ATAD2: variants seen among roughly 807,000 people sequenced by gnomAD.
The protein encoded by ATAD2 is ATPase family AAA domain containing 2, also known as ATPase family AAA domain-containing protein 2.
In ATAD2, 62 loss-of-function variants were observed where a neutral mutation model predicts 168.9. The ratio of observed to expected loss-of-function variants is 0.37; its 90% CI spans 0.30 to 0.45. The LOEUF (loss-of-function observed/expected upper bound fraction) is 0.45, where lower values mean the gene tolerates loss of function less well. Ranked by LOEUF, ATAD2 falls within the 20% of genes least tolerant of loss-of-function variation. The pLI is 1.00. For missense variants in ATAD2, 1,419 were observed against 1,667.8 expected, an observed-to-expected ratio of 0.85 and a Z score of 2.60; for synonymous variants, 613 against 571.6, an observed-to-expected ratio of 1.07 and a Z score of -1.03.
Position 123,357,548 on chromosome 8 carries a change from T to C in ATAD2, c.1557+14A>G, listed in dbSNP as rs757768804. The C allele has an allele frequency of 4.4e-6, 7 of 1,601,996 alleles. No individual in the cohort carries two copies. Among genetic ancestry groups the C allele is most frequent in the East Asian group, 2.2e-5 (1 of 44,668 alleles). ...TACAGAACTATCCAGATATATAAAA[T>C]GTTAATATCATACCTGATCAAACAG... On this transcript the variant is annotated intron_variant, in intron 12 of 27. Transcript: ENST00000287394.
At chr8:123,364,044 G>A (rs7834778) in intron 8 of ATAD2, among the ~76,000 whole-genome samples, 5,919 of 152,174 alleles carry the variant, frequency 0.039, 398 homozygotes, top group African/African-American at 0.14. Context: ...TGAAATTTCT[G>A]ACATTTGATT....
At chr8:123,339,591 G>T in intron 19 of ATAD2, 145 bp from the exon 20 acceptor site, 1 of 759,322 alleles carries the variant, frequency 1.3e-6, no homozygotes, top group Non-Finnish European at 2.1e-6. Flanking sequence ...ATCGGGTTAT[G>T]TCCAAATAAA....
intron 19 of ATAD2, among the ~76,000 whole-genome samples, chr8:123,342,832 G>C (rs917832868): frequency 6.6e-6 from 1 of 151,934 alleles, no homozygotes; most frequent in African/African-American, 2.4e-5. Context: ...TATCATCCTG[G>C]CCTTCTTGCT....
chr8:123,376,214 T>C (rs1019371466), intron 2 of ATAD2, among the ~76,000 whole-genome samples: 8 of 151,992 alleles, frequency 5.3e-5, no homozygotes, highest in Non-Finnish European at 7.4e-5. Context: ...GAGACCAGCC[T>C]GACCAACATG....
Position 123,396,256 on chromosome 8 carries a change from G to A in ATAD2, c.102C>T (p.Ile34=), listed in dbSNP as rs576529229. The part of the protein sequence containing the change: ...LSSDFLSLEH[I]GRRRLRSAGA... ...CGGCCGAGCGGAGCCGCCTCCGGCCGATGTGCTCCAGACTGAGGAAGTCAC... is the reference window on the plus strand; with the variant it reads ...CGGCCGAGCGGAGCCGCCTCCGGCCAATGTGCTCCAGACTGAGGAAGTCAC... The change falls in exon 1 of 28, where the codon ATC becomes ATT. Residue 34 remains isoleucine (I), a synonymous_variant. Transcript: ENST00000287394. The A allele has an allele frequency of 4.3e-6, 7 of 1,610,020 alleles. 1 individual carries two copies. The highest frequency in any genetic ancestry group is 1.7e-4 in the Middle Eastern group (1 of 5,872).
rs191735469 is a variant in ATAD2, at chr8:123,389,361, C to T, written c.171+6826G>A. Among the ~76,000 whole-genome samples, 193 of 145,340 alleles carry T rather than the reference C, an allele frequency of 1.3e-3. No individual in the cohort carries two copies. The Middle Eastern group carries it at 0.018, about 13-fold the overall frequency. ...TGGCATAAAACTCCCAATGGTCGGC[C>T]GGGCGTGGTGGCTCACATCTGTAAT... On this transcript the variant is annotated intron_variant, in intron 1 of 27. Coordinates refer to ENST00000287394, the MANE Select transcript of ATAD2 (RefSeq NM_014109.4).
rs546313806 is a variant in ATAD2 at position 123,348,107 on chromosome 8, G to A, written c.1897+76C>T. 6.5e-6 allele frequency: 8 copies of A among 1,222,860 alleles called. No homozygotes were observed. In the South Asian group the frequency reaches 8.4e-5, roughly 13 times the overall value. The allele number at this position is 1,222,860 out of a possible 1,614,324, so 75.8% of individuals were successfully genotyped here. A position where few individuals can be genotyped will look rare whatever the true frequency, so the allele number is the denominator to read the frequency against. ...ACAGGCAAAAACCACAATTACTTTT[G>A]CACCAACCTAATATAACTTGTTTCA... On this transcript the variant is annotated intron_variant, in intron 15 of 27. Transcript: ENST00000287394.
rs1384549068 is a variant in ATAD2, at chr8:123,346,171, G to A, written c.2447C>T (p.Ala816Val). The A allele has an allele frequency of 1.2e-6, 2 of 1,613,140 alleles. No individual in the cohort carries two copies. Among genetic ancestry groups the A allele is most frequent in the African/African-American group, 1.3e-5 (1 of 74,856 alleles). ...TGTATATACAGTAAACTTTTCCAAA[G>A]CATGAATGACAGCTGGTGCCAAGTG... The part of the protein sequence containing the change: ...GSHLAPAVIH[A>V]LEKFTVYTLD... The change falls in exon 18 of 28, where the codon GCT (alanine) becomes GTT (valine). Residue 816 changes from alanine (A) to valine (V), a missense_variant. Ala to Val is a moderately conservative substitution (Grantham distance 64). Around this residue, in one of 5 missense-constraint regions of ATAD2, gnomAD observed 545 missense variants for 724.9 expected, o/e 0.75. Coordinates refer to ENST00000287394, the MANE Select transcript of ATAD2 (RefSeq NM_014109.4).
chr8:123,375,925 G>GT (rs1249639206), intron 2 of ATAD2, among the ~76,000 whole-genome samples: 1 of 152,020 alleles, frequency 6.6e-6, no homozygotes, highest in Non-Finnish European at 1.5e-5. Flanking sequence ...GGCCAAGATG[G>GT]TGAGACCCCG....
At chr8:123,343,201 C>A (rs1828117912) in intron 19 of ATAD2, among the ~76,000 whole-genome samples, 1 of 151,810 alleles carries the variant, frequency 6.6e-6, no homozygotes, top group Non-Finnish European at 1.5e-5. Flanking sequence ...GTCTTGAACT[C>A]CTGATCTCAG....
intron 1 of ATAD2, among the ~76,000 whole-genome samples, chr8:123,388,951 C>T (rs1416901025): frequency 2.0e-5 from 3 of 151,302 alleles, no homozygotes; most frequent in Non-Finnish European, 4.4e-5. Flanking sequence ...TCTTTTTGTG[C>T]TTTGCTGTTT....
chr8:123,407,660 C>T (rs1459596994), intron 1 of ATAD2, among the ~76,000 whole-genome samples: 1 of 151,008 alleles, frequency 6.6e-6, no homozygotes, highest in African/African-American at 2.4e-5. Context: ...AGAGTTCAAC[C>T]TGGCCAACAT....
In ATAD2 at chr8:123,328,369, T is replaced by C; in HGVS notation, c.3689A>G (p.Gln1230Arg). The change falls in exon 25 of 28, where the codon CAA (glutamine) becomes CGA (arginine). Residue 1230 changes from glutamine (Q) to arginine (R), a missense_variant. Gln to Arg is a conservative substitution (Grantham distance 43, BLOSUM62 1). Transcript: ENST00000287394. The stretch of plus-strand genomic sequence containing the variant: ...TTCCAGTTTGCTTTCAGAGGCATTT[T>C]GCTGTTTTTCATTTTCTTCCACCGA... ...ESSVEENEKQ[Q>R]NASESKLELR... The C allele has an allele frequency of 6.2e-7, 1 of 1,604,738 alleles. No individual in the cohort carries two copies. The highest frequency in any genetic ancestry group is 1.1e-5 in the South Asian group (1 of 87,760).
intron 26 of ATAD2, among the ~76,000 whole-genome samples, chr8:123,323,788 C>A (rs1287872320): frequency 6.6e-6 from 1 of 152,082 alleles, no homozygotes; most frequent in African/African-American, 2.4e-5. Flanking sequence ...TATTCTATAG[C>A]AAGTATATCC....
intron 18 of ATAD2, 94 bp from the exon 19 acceptor site, chr8:123,345,163 T>A: frequency 8.3e-7 from 1 of 1,201,712 alleles, no homozygotes; most frequent in Non-Finnish European, 1.1e-6. Flanking sequence ...CTCCCAGGAG[T>A]AACATATAAA....
intron 13 of ATAD2, among the ~76,000 whole-genome samples, chr8:123,353,850 C>T (rs1035230552): frequency 2.0e-5 from 3 of 152,100 alleles, no homozygotes; most frequent in African/African-American, 7.2e-5. Context: ...ATCAGGGTTT[C>T]AGGTCAAGTG....
rs1365395575 is a variant in ATAD2 at position 123,348,152 on chromosome 8, A to G, written c.1897+31T>C. ...GTTTCATATTTGAAATAAATGTAGT[A>G]TTTATTTTAACTGCTTAAAACAATG... On this transcript the variant is annotated intron_variant, in intron 15 of 27. Transcript: ENST00000287394. The G allele has an allele frequency of 2.1e-6, 3 of 1,461,308 alleles. No individual in the cohort carries two copies. The Admixed American group carries it at 6.8e-5, about 33-fold the overall frequency. 90.5% of individuals were successfully genotyped at this position (1,461,308 alleles called of 1,614,324 possible).
intron 25 of ATAD2, 80 bp from the exon 26 acceptor site, chr8:123,326,106 T>A: frequency 6.9e-7 from 1 of 1,444,796 alleles, no homozygotes; most frequent in Non-Finnish European, 9.4e-7. Context: ...TTAGGCAGAT[T>A]AAACAGGGCA....
chr8:123,361,402 C>G (rs962538280), intron 9 of ATAD2, 137 bp downstream of exon 9: 3 of 558,348 alleles, frequency 5.4e-6, no homozygotes, highest in South Asian at 4.7e-5. Context: ...AACAAGACAG[C>G]ATTCTAGTTT....
Sources: allele counts gnomAD v4.1 joint callset (sites outside exome capture counted in the v4.1 genomes callset), GRCh38; gene constraint gnomAD v4.1.1; regional missense constraint gnomAD v4.1.1; transcripts MANE v1.5; gene names NCBI Gene and HGNC (gene_info 2026-07-23, HGNC 2026-07-21).